The following UST variants were observed in gnomAD, a reference collection of about 807,000 sequenced individuals.
The protein encoded by UST is uronyl 2-sulfotransferase.
A neutral mutation model predicts 45.6 loss-of-function variants in UST; 21 were observed. The ratio of observed to expected loss-of-function variants is 0.46; its 90% CI spans 0.33 to 0.66. The LOEUF is 0.66. UST is among the 30% of genes least tolerant of loss of function. The probability of loss-of-function intolerance (pLI) is 0.02; values close to 1 mark genes in which losing one functional copy is unlikely to be tolerated. For missense variants in UST, 463 were observed against 512.4 expected, an observed-to-expected ratio of 0.90 and a Z score of 0.93; for synonymous variants, 215 against 200.6, an observed-to-expected ratio of 1.07 and a Z score of -0.61.
intron 1 of UST, among the ~76,000 whole-genome samples, chr6:148,806,801 G>T (rs1777158590): frequency 6.6e-6 from 1 of 152,220 alleles, no homozygotes. Context: ...ACATGGCGAG[G>T]ATGCAAGTGC....
intron 1 of UST, among the ~76,000 whole-genome samples, chr6:148,849,367 A>T (rs1330682194): frequency 6.6e-6 from 1 of 152,246 alleles, no homozygotes; most frequent in Non-Finnish European, 1.5e-5. Context: ...AATGAAGTAG[A>T]AAATAGTATA....
chr6:148,948,751 T>C (rs562080461), intron 3 of UST, among the ~76,000 whole-genome samples: 1 of 152,224 alleles, frequency 6.6e-6, no homozygotes, highest in Non-Finnish European at 1.5e-5. Context: ...TTATATTCCA[T>C]AAACCTTCTT....
At position 148,782,748 on chromosome 6, in the gene UST, C is replaced by T. The variant is rs147567005; in HGVS notation, c.247+35071C>T. 6.8e-3 allele frequency among the ~76,000 whole-genome samples: 1,030 copies of T among 152,244 alleles called. 13 individuals are homozygous for T. Among genetic ancestry groups the T allele is most frequent in the African/African-American group, 0.023 (972 of 41,532 alleles). ...GATTACAGACATGAGCCACAGTGCC[C>T]GGCCAAGTTGTTTCTTATGGATAAG... On this transcript the variant is annotated intron_variant, in intron 1 of 7. Transcript: ENST00000367463.
chr6:148,786,390 C>A (rs1776735967), intron 1 of UST, among the ~76,000 whole-genome samples: 1 of 152,106 alleles, frequency 6.6e-6, no homozygotes, highest in African/African-American at 2.4e-5. Flanking sequence ...CCTCTTCCCA[C>A]CCCCTGCCCT....
At chr6:148,978,036 T>A (rs1476439652) in intron 5 of UST, among the ~76,000 whole-genome samples, 1 of 152,226 alleles carries the variant, frequency 6.6e-6, no homozygotes, top group Non-Finnish European at 1.5e-5. Flanking sequence ...TTGTTGTTGT[T>A]GTAATTTTAC....
At chr6:149,029,059 C>T (rs981771110) in intron 7 of UST, among the ~76,000 whole-genome samples, 6 of 152,012 alleles carry the variant, frequency 3.9e-5, no homozygotes, top group African/African-American at 1.2e-4. Flanking sequence ...GCACTAGGTT[C>T]CCTAATAGAC....
intron 7 of UST, among the ~76,000 whole-genome samples, chr6:149,021,944 A>G (rs778858893): frequency 9.2e-5 from 14 of 152,232 alleles, no homozygotes; most frequent in Admixed American, 1.3e-4. Flanking sequence ...CCATTTGATA[A>G]AAGCACTCTA....
chr6:148,928,410 C>T (rs6940841), intron 2 of UST, among the ~76,000 whole-genome samples: 51,448 of 152,096 alleles, frequency 0.34, 8,818 homozygotes, highest in South Asian at 0.45. Flanking sequence ...TATCAGATCA[C>T]AAAATCCCAA....
At chr6:148,898,394 CA>C (rs1313077111) in intron 2 of UST, among the ~76,000 whole-genome samples, 1 of 152,094 alleles carries the variant, frequency 6.6e-6, no homozygotes, top group East Asian at 1.9e-4. Flanking sequence ...AAAAGGAAAA[CA>C]AATCAACCTT....
At chr6:148,779,326 A>T (rs972764660) in intron 1 of UST, among the ~76,000 whole-genome samples, 2 of 152,158 alleles carry the variant, frequency 1.3e-5, no homozygotes, top group Non-Finnish European at 2.9e-5. Context: ...AGCTCTTTTT[A>T]AGAATACTTT....
intron 7 of UST, among the ~76,000 whole-genome samples, chr6:149,026,146 T>TAAA (rs771431174): frequency 1.1e-5 from 1 of 87,714 alleles, no homozygotes. Context: ...AGACTCCATC[T>TAAA]AAAAAAAAAA....
At chr6:149,005,286 C>T (rs1781625781) in intron 5 of UST, 1 of 985,472 alleles carries the variant, frequency 1.0e-6, no homozygotes, top group Non-Finnish European at 1.2e-6. Flanking sequence ...CCTTACATCC[C>T]TCTCTTCTGG....
intron 5 of UST, among the ~76,000 whole-genome samples, chr6:149,004,720 C>T (rs1401582643): frequency 6.6e-6 from 1 of 152,190 alleles, no homozygotes; most frequent in Non-Finnish European, 1.5e-5. Flanking sequence ...GGCAGCAAAA[C>T]ATGGCTTCAG....
At chr6:148,920,607 C>T (rs183334674) in intron 2 of UST, among the ~76,000 whole-genome samples, 1 of 152,246 alleles carries the variant, frequency 6.6e-6, no homozygotes, top group East Asian at 1.9e-4. Flanking sequence ...TGGCTCACTG[C>T]AATCTCAACC....
chr6:148,978,700 A>G (rs1781071253), intron 5 of UST, among the ~76,000 whole-genome samples: 1 of 152,212 alleles, frequency 6.6e-6, no homozygotes, highest in Non-Finnish European at 1.5e-5. Context: ...GAGGGAGAGC[A>G]TTAGGACAAA....
rs528210485 is a variant in UST at position 148,809,328 on chromosome 6, T to G, written c.247+61651T>G. Among the ~76,000 whole-genome samples the G allele has an allele frequency of 5.1e-3, 773 of 152,212 alleles. 3 individuals carry two copies. Among genetic ancestry groups the G allele is most frequent in the African/African-American group, 9.8e-3 (408 of 41,556 alleles). Reference sequence around the variant, plus strand: ...TTAAAACCTTAGTTTTTTGTTTTTTTTTTTTTTCTCACCTGCTTTTCTTGC... The same window carrying G: ...TTAAAACCTTAGTTTTTTGTTTTTTGTTTTTTTCTCACCTGCTTTTCTTGC... On this transcript the variant is annotated intron_variant, in intron 1 of 7. Coordinates refer to ENST00000367463, the MANE Select transcript of UST (RefSeq NM_005715.3).
intron 7 of UST, among the ~76,000 whole-genome samples, chr6:149,060,434 C>T (rs929461951): frequency 8.5e-5 from 13 of 152,210 alleles, no homozygotes; most frequent in African/African-American, 3.1e-4. Flanking sequence ...CAGTGACACA[C>T]ATTCATTTCC....
At chr6:148,835,439 A>G (rs368976970) in intron 1 of UST, among the ~76,000 whole-genome samples, 1 of 152,208 alleles carries the variant, frequency 6.6e-6, no homozygotes, top group East Asian at 1.9e-4. Flanking sequence ...GCAGTAGCCT[A>G]GTAAGCTTTC....
At chr6:148,966,839 C>T (rs982338868) in intron 5 of UST, among the ~76,000 whole-genome samples, 2 of 152,192 alleles carry the variant, frequency 1.3e-5, no homozygotes, top group Admixed American at 6.5e-5. Flanking sequence ...GGGGTTCAAG[C>T]GATTCTCCTG....
Sources: allele counts gnomAD v4.1 joint callset (sites outside exome capture counted in the v4.1 genomes callset), GRCh38; gene constraint gnomAD v4.1.1; transcripts MANE v1.5; gene names NCBI Gene and HGNC (gene_info 2026-07-23, HGNC 2026-07-21).